SCN2A: variants seen among roughly 807,000 people sequenced by gnomAD.
SCN2A encodes sodium voltage-gated channel alpha subunit 2.
Under a neutral mutation model 188.7 loss-of-function variants are expected in SCN2A, and 20 were observed. The ratio of observed to expected loss-of-function variants is 0.11; its 90% CI spans 0.07 to 0.15. The LOEUF is 0.15. SCN2A is among the 10% of genes least tolerant of loss of function. SCN2A has a pLI of 1.00. For synonymous variants in SCN2A, 804 were observed against 833.1 expected, an observed-to-expected ratio of 0.97 and a Z score of 0.60; for missense variants, 1,278 against 2,445.0, an observed-to-expected ratio of 0.52 and a Z score of 10.07.
Position 165,338,961 on chromosome 2 carries a change from C to T in SCN2A, c.2389-3335C>T, listed in dbSNP as rs141022032. 7.9e-4 allele frequency among the ~76,000 whole-genome samples: 121 copies of T among 152,290 alleles called. 3 individuals carry two copies. In the East Asian group the frequency reaches 0.022, roughly 28 times the overall value. On this transcript the variant is annotated intron_variant, in intron 14 of 26. Transcript: ENST00000375437. The stretch of plus-strand genomic sequence containing the variant: ...TCTAGCCGGGCGTGGAGGCTCACGC[C>T]TGTAATCCCAGCACTTTGTGAGGCT...
rs1202020564 is a variant in SCN2A at position 165,310,803 on chromosome 2, G to A, written c.970+208G>A. 4 of 332,206 alleles carry A rather than the reference G, an allele frequency of 1.2e-5. No homozygotes were observed. The East Asian group carries it at 1.6e-4, about 13-fold the overall frequency. The allele number at this position is 332,206 out of a possible 1,614,324, so 20.6% of individuals were successfully genotyped here. A position where few individuals can be genotyped will look rare whatever the true frequency, so the allele number is the denominator to read the frequency against. ...ATAGTAAAAGTTCTCATTTGAAAAT[G>A]TGTTGTCTTATACTCATGTTGAAAG... On this transcript the variant is annotated intron_variant, in intron 7 of 26. Coordinates refer to ENST00000375437, the MANE Select transcript of SCN2A (RefSeq NM_001040142.2).
At chr2:165,331,610 A>G (rs539052553) in intron 14 of SCN2A, 42 bp downstream of exon 14, 2 of 1,462,224 alleles carry the variant, frequency 1.4e-6, no homozygotes, top group South Asian at 1.1e-5. Flanking sequence ...GAAAGAGTTT[A>G]TAATTGCCTT....
At chr2:165,314,414 A>T (rs893700068) in intron 10 of SCN2A, among the ~76,000 whole-genome samples, 5 of 152,170 alleles carry the variant, frequency 3.3e-5, no homozygotes, top group African/African-American at 1.2e-4. Flanking sequence ...TGCAGAGTAG[A>T]TAAACCTACA....
chr2:165,375,300 C>A (rs1286161863), intron 22 of SCN2A, among the ~76,000 whole-genome samples: 1 of 151,946 alleles, frequency 6.6e-6, no homozygotes, highest in African/African-American at 2.4e-5. Flanking sequence ...CTCACTGCAG[C>A]ACTATTCACA....
At chr2:165,296,859 A>G (rs552871116) in intron 2 of SCN2A, 158 bp from the exon 3 acceptor site, 3 of 409,982 alleles carry the variant, frequency 7.3e-6, no homozygotes, top group South Asian at 9.6e-5. Context: ...TAGTGCTCAG[A>G]AAAAAAAAGC....
At chr2:165,291,629 G>A (rs898986935) in intron 1 of SCN2A, among the ~76,000 whole-genome samples, 4 of 139,938 alleles carry the variant, frequency 2.9e-5, no homozygotes, top group African/African-American at 1.1e-4. Flanking sequence ...CTATCTCCCA[G>A]GCTGGAGTGC....
chr2:165,269,796 A>G (rs1316667313), intron 1 of SCN2A: 6 of 152,034 alleles, frequency 3.9e-5, no homozygotes, highest in Non-Finnish European at 2.9e-5. Context: ...ACTTAAATAT[A>G]TGTTTATTAA....
chr2:165,378,409 G>C (rs1701427661), intron 23 of SCN2A, among the ~76,000 whole-genome samples: 1 of 151,200 alleles, frequency 6.6e-6, no homozygotes, highest in Non-Finnish European at 1.5e-5. Flanking sequence ...ATCTCTATAA[G>C]TGCTATCAGG....
intron 23 of SCN2A, 113 bp downstream of exon 23, chr2:165,377,763 C>A: frequency 1.2e-6 from 1 of 801,916 alleles, no homozygotes; most frequent in Non-Finnish European, 2.0e-6. Flanking sequence ...TTATAAAACC[C>A]ATCTATATTA....
intron 3 of SCN2A, among the ~76,000 whole-genome samples, chr2:165,300,028 T>A (rs1005239518): frequency 1.3e-5 from 2 of 152,204 alleles, no homozygotes; most frequent in Middle Eastern, 3.2e-3. Flanking sequence ...CTTGTGATAT[T>A]TTTACCAGGG....
At chr2:165,261,458 T>C (rs1031971892) in intron 1 of SCN2A, among the ~76,000 whole-genome samples, 1 of 152,240 alleles carries the variant, frequency 6.6e-6, no homozygotes, top group Non-Finnish European at 1.5e-5. Flanking sequence ...ACTCCAGTTC[T>C]GAATTGTAAG....
intron 1 of SCN2A, among the ~76,000 whole-genome samples, chr2:165,243,475 A>T (rs995963015): frequency 6.6e-6 from 1 of 151,866 alleles, no homozygotes; most frequent in African/African-American, 2.4e-5. Flanking sequence ...GGTGGCAGGC[A>T]CCTGTAGTCC....
At chr2:165,291,035 C>CTTTTTTTTTTTTTTTTTTTTTT (rs55979694) in intron 1 of SCN2A, among the ~76,000 whole-genome samples, 2 of 79,970 alleles carry the variant, frequency 2.5e-5, no homozygotes, top group Non-Finnish European at 4.7e-5. Flanking sequence ...TCTTTTCTTT[C>CTTTTTTTTTTTTTTTTTTTTTT]TTTTTTTTTT....
chr2:165,288,465 A>T (rs1695953701), intron 1 of SCN2A, among the ~76,000 whole-genome samples: 1 of 151,294 alleles, frequency 6.6e-6, no homozygotes, highest in South Asian at 2.1e-4. Flanking sequence ...AAAAAAGAAT[A>T]TTGCTCAATG....
chr2:165,374,418 CT>C (rs1455565979), intron 21 of SCN2A, among the ~76,000 whole-genome samples: 1 of 152,030 alleles, frequency 6.6e-6, no homozygotes, highest in African/African-American at 2.4e-5. Flanking sequence ...TTGGCATTTG[CT>C]GTTAGTTCCA....
At chr2:165,368,050 G>A (rs6739174) in intron 19 of SCN2A, among the ~76,000 whole-genome samples, 1,534 of 152,212 alleles carry the variant, frequency 0.01, 17 homozygotes, top group African/African-American at 0.034. Flanking sequence ...CATGTCCGGC[G>A]TCCAGGAGGA....
intron 17 of SCN2A, among the ~76,000 whole-genome samples, chr2:165,361,265 C>T (rs1335550252): frequency 6.6e-6 from 1 of 151,924 alleles, no homozygotes; most frequent in Non-Finnish European, 1.5e-5. Context: ...CTTTACTCTA[C>T]ATTAAAATAT....
intron 21 of SCN2A, among the ~76,000 whole-genome samples, chr2:165,374,463 T>C (rs1488628889): frequency 6.6e-6 from 1 of 152,128 alleles, no homozygotes; most frequent in Non-Finnish European, 1.5e-5. Context: ...TGTGTGTTAT[T>C]ACCTCTTGAG....
At chr2:165,383,311 A>G (rs1701700805) in intron 25 of SCN2A, among the ~76,000 whole-genome samples, 1 of 152,100 alleles carries the variant, frequency 6.6e-6, no homozygotes, top group African/African-American at 2.4e-5. Flanking sequence ...GAGGATGGAA[A>G]AAGAATAGAA....
Sources: gnomAD v4.1 joint callset for allele counts (sites outside exome capture counted in the v4.1 genomes callset) on GRCh38, gnomAD v4.1.1 for gene constraint, MANE v1.5 for transcripts, NCBI Gene and HGNC (gene_info 2026-07-23, HGNC 2026-07-21) for gene names.